PKNOX2: variants seen among roughly 807,000 people sequenced by gnomAD.
The protein encoded by PKNOX2 is homeobox protein PKNOX2.
In PKNOX2, 14 loss-of-function variants were observed where a neutral mutation model predicts 53.1. That is an observed-to-expected ratio of 0.26 (90% CI 0.17 to 0.41). The LOEUF is 0.41. Among genes scored for constraint, PKNOX2 ranks in the 10% least tolerant of loss-of-function variants. PKNOX2 has a pLI of 1.00. For missense variants in PKNOX2, 496 were observed against 602.8 expected, an observed-to-expected ratio of 0.82 and a Z score of 1.85; for synonymous variants, 257 against 242.8, an observed-to-expected ratio of 1.06 and a Z score of -0.54.
chr11:125,274,654 G>A (rs1199818129), intron 2 of PKNOX2, among the ~76,000 whole-genome samples: 1 of 152,244 alleles, frequency 6.6e-6, no homozygotes, highest in Admixed American at 6.5e-5. Flanking sequence ...CTGAGGCTGG[G>A]GGCTGGAGCA....
At chr11:125,364,785 C>G (rs909190959) in intron 4 of PKNOX2, among the ~76,000 whole-genome samples, 9 of 152,200 alleles carry the variant, frequency 5.9e-5, no homozygotes, top group African/African-American at 1.9e-4. Context: ...GAGCCTCACA[C>G]CAGCGCTGTG....
In PKNOX2 at chr11:125,431,995, G is replaced by GC. The variant is rs1288475436; in HGVS notation, c.*606dup. 2.0e-5 allele frequency: 3 copies of GC among 153,556 alleles called. No individual in the cohort carries two copies. The highest frequency in any genetic ancestry group is 7.2e-5 in the African/African-American group (3 of 41,450). The allele number at this position is 153,556 out of a possible 1,614,324, so 9.5% of individuals were successfully genotyped here. On this transcript the variant is annotated 3_prime_UTR_variant, in exon 13 of 13. Transcript: ENST00000298282. ...CCAGGCTCCAGCTCATCCCTCCAAG[G>GC]CCCTGTCTCTGCGCACAGCAACCAT...
intron 10 of PKNOX2, among the ~76,000 whole-genome samples, chr11:125,427,665 C>T (rs138607718): frequency 1.2e-3 from 186 of 152,242 alleles, no homozygotes; most frequent in African/African-American, 4.1e-3. Context: ...TTGAGACCTC[C>T]CATCTCGGGG....
chr11:125,265,159 C>T (rs970382656), intron 2 of PKNOX2, among the ~76,000 whole-genome samples: 4 of 152,018 alleles, frequency 2.6e-5, no homozygotes, highest in South Asian at 2.1e-4. Context: ...TGATGGTGGG[C>T]GCCTGTAGTC....
intron 1 of PKNOX2, among the ~76,000 whole-genome samples, chr11:125,168,452 G>A (rs942717892): frequency 1.3e-5 from 2 of 152,248 alleles, no homozygotes; most frequent in Non-Finnish European, 2.9e-5. Flanking sequence ...AAACACATTT[G>A]AAGTAAGTTA....
At chr11:125,311,031 G>A (rs978889364) in intron 2 of PKNOX2, among the ~76,000 whole-genome samples, 3 of 152,076 alleles carry the variant, frequency 2.0e-5, no homozygotes, top group Non-Finnish European at 2.9e-5. Flanking sequence ...GTATGGGGGA[G>A]TCTGGTGGGG....
chr11:125,398,274 T>A (rs1954534064), intron 7 of PKNOX2, among the ~76,000 whole-genome samples: 1 of 152,222 alleles, frequency 6.6e-6, no homozygotes, highest in Non-Finnish European at 1.5e-5. Context: ...AGGGCATTAG[T>A]ATTCCCTTGA....
intron 1 of PKNOX2, among the ~76,000 whole-genome samples, chr11:125,207,465 A>G (rs908455954): frequency 3.3e-5 from 5 of 152,026 alleles, no homozygotes; most frequent in African/African-American, 1.2e-4. Context: ...AGCAGAATCC[A>G]GAGGAAAACT....
chr11:125,371,372 C>G (rs1952536022), intron 5 of PKNOX2, among the ~76,000 whole-genome samples: 1 of 152,122 alleles, frequency 6.6e-6, no homozygotes, highest in Non-Finnish European at 1.5e-5. Flanking sequence ...CACCTCAACC[C>G]TGGGGTTTTC....
intron 1 of PKNOX2, among the ~76,000 whole-genome samples, chr11:125,233,425 G>T (rs575406541): frequency 6.6e-6 from 1 of 152,214 alleles, no homozygotes; most frequent in Non-Finnish European, 1.5e-5. Flanking sequence ...GCCAGCCAAG[G>T]GTTGGTTCTG....
At chr11:125,302,690 T>G (rs953469283) in intron 2 of PKNOX2, among the ~76,000 whole-genome samples, 1 of 152,132 alleles carries the variant, frequency 6.6e-6, no homozygotes, top group African/African-American at 2.4e-5. Context: ...ATCCCATACC[T>G]AACGGGAAAG....
chr11:125,333,598 T>A (rs1950266668), intron 3 of PKNOX2, among the ~76,000 whole-genome samples: 1 of 150,710 alleles, frequency 6.6e-6, no homozygotes, highest in Admixed American at 6.6e-5. Flanking sequence ...CTGAACCGTC[T>A]TGCCAAGTGA....
At chr11:125,271,194 T>C (rs1424384646) in intron 2 of PKNOX2, among the ~76,000 whole-genome samples, 2 of 152,294 alleles carry the variant, frequency 1.3e-5, no homozygotes, top group East Asian at 1.9e-4. Context: ...CTCTAGTATA[T>C]ACTCTGGCCT....
intron 4 of PKNOX2, among the ~76,000 whole-genome samples, chr11:125,362,634 G>A (rs1951987334): frequency 6.6e-6 from 1 of 152,144 alleles, no homozygotes; most frequent in Non-Finnish European, 1.5e-5. Flanking sequence ...GCCTCCCAGA[G>A]CACTGAGATT....
chr11:125,299,841 C>A (rs535636039), intron 2 of PKNOX2, among the ~76,000 whole-genome samples: 116 of 152,220 alleles, frequency 7.6e-4, no homozygotes, highest in African/African-American at 2.6e-3. Flanking sequence ...CAGAAGCGAC[C>A]GTGGGGCTTC....
intron 2 of PKNOX2, among the ~76,000 whole-genome samples, chr11:125,311,233 A>G (rs781264096): frequency 6.6e-6 from 1 of 152,178 alleles, no homozygotes; most frequent in Non-Finnish European, 1.5e-5. Flanking sequence ...ATTATATTTC[A>G]CATTCCCCAT....
At chr11:125,419,310 C>T (rs192849334) in intron 10 of PKNOX2, among the ~76,000 whole-genome samples, 11 of 151,804 alleles carry the variant, frequency 7.2e-5, no homozygotes, top group Admixed American at 2.0e-4. Context: ...TTCTTTGTCC[C>T]GATACAGGCA....
At chr11:125,404,295 C>T (rs12422199) in intron 7 of PKNOX2, among the ~76,000 whole-genome samples, 3,445 of 152,358 alleles carry the variant, frequency 0.023, 78 homozygotes, top group Admixed American at 0.042. Context: ...TGGCCTTTGC[C>T]GCCAGGCTAG....
At chr11:125,200,598 A>C (rs1450275566) in intron 1 of PKNOX2, among the ~76,000 whole-genome samples, 2 of 151,328 alleles carry the variant, frequency 1.3e-5, no homozygotes, top group Admixed American at 6.6e-5. Context: ...CCGGTTCCCA[A>C]CCTCCCCCTG....
Sources: gnomAD v4.1 joint callset for allele counts (sites outside exome capture counted in the v4.1 genomes callset) on GRCh38, gnomAD v4.1.1 for gene constraint, MANE v1.5 for transcripts, NCBI Gene and HGNC (gene_info 2026-07-23, HGNC 2026-07-21) for gene names.